The following ZNF518A variants were observed in gnomAD, a reference collection of about 807,000 sequenced individuals.
ZNF518A encodes zinc finger protein 518.
ZNF518A carries 47 observed loss-of-function variants against 102.7 expected under a neutral mutation model. The observed-to-expected ratio is 0.46, with a 90% CI of 0.36 to 0.58. ZNF518A has a LOEUF of 0.58. Among genes scored for constraint, ZNF518A ranks in the 20% least tolerant of loss-of-function variants. ZNF518A has a pLI of 0.00. For synonymous variants in ZNF518A, 652 were observed against 594.6 expected (o/e 1.10, Z -1.40); for missense variants, 1,793 against 1,699.8 (o/e 1.05, Z -0.96).
downstream of ZNF518A, chr10:96,204,490 A>T (rs782449617): frequency 1.7e-5 from 27 of 1,589,992 alleles, no homozygotes; most frequent in Non-Finnish European, 2.2e-5. Flanking sequence ...TAATTCCTGC[A>T]GCAACAAGAG....
intron 1 of ZNF518A, among the ~76,000 whole-genome samples, chr10:96,171,625 C>T (rs2083174289): frequency 1.3e-5 from 2 of 152,034 alleles, no homozygotes; most frequent in South Asian, 2.1e-4. Context: ...CACTAAGAAA[C>T]CATTGAAGTG....
At chr10:96,193,341 C>T (rs1484951376) in intron 1 of ZNF518A, among the ~76,000 whole-genome samples, 1 of 152,150 alleles carries the variant, frequency 6.6e-6, no homozygotes, top group Non-Finnish European at 1.5e-5. Context: ...ATAGCACAAT[C>T]TCTTTGAAGT....
intron 1 of ZNF518A, among the ~76,000 whole-genome samples, chr10:96,184,567 G>A (rs2083259674): frequency 6.6e-6 from 1 of 152,140 alleles, no homozygotes; most frequent in Non-Finnish European, 1.5e-5. Flanking sequence ...ATGAAGCTTA[G>A]TTTGGCTGGA....
chr10:96,202,616 G>A (rs185116587), intron 1 of ZNF518A, among the ~76,000 whole-genome samples: 1 of 152,136 alleles, frequency 6.6e-6, no homozygotes, highest in Admixed American at 6.6e-5. Flanking sequence ...GTAAGAGGAG[G>A]GGGCAGTGAG....
intron 1 of ZNF518A, among the ~76,000 whole-genome samples, chr10:96,197,669 C>G (rs1393030999): frequency 1.3e-5 from 2 of 152,044 alleles, no homozygotes; most frequent in Non-Finnish European, 2.9e-5. Context: ...GGAATCAAAA[C>G]TTTCATTTTA....
At position 96,158,862 on chromosome 10, in the gene ZNF518A, G is replaced by T. The variant is rs782161449; in HGVS notation, c.2540G>T (p.Gly847Val). Residue 847 changes from glycine to valine, a missense_variant, in exon 6 of 6, where the codon GGT becomes GTT. This residue lies in a region of ZNF518A where 1,741 missense variants were observed against 1,622.6 expected (regional missense o/e 1.07). Coordinates refer to ENST00000316045, the MANE Select transcript of ZNF518A (RefSeq NM_001330736.2). ...GIFPVPPGSV[G>V]INVPTNDLNL... ...TTCCCAGTTCCACCTGGCAGTGTGG[G>T]TATTAATGTGCCTACAAATGATTTG... 1 of 1,613,590 alleles carries T rather than the reference G, an allele frequency of 6.2e-7. No individual in the cohort carries two copies. Among genetic ancestry groups the T allele is most frequent in the Admixed American group, 1.7e-5 (1 of 59,968 alleles).
chr10:96,176,888 C>T (rs1408306093), intron 1 of ZNF518A, among the ~76,000 whole-genome samples: 1 of 152,066 alleles, frequency 6.6e-6, no homozygotes, highest in African/African-American at 2.4e-5. Flanking sequence ...CAGAGCGAGA[C>T]TCTGTCTCAA....
chr10:96,185,933 C>T (rs1294514030), intron 1 of ZNF518A, among the ~76,000 whole-genome samples: 4 of 152,212 alleles, frequency 2.6e-5, no homozygotes, highest in African/African-American at 7.2e-5. Flanking sequence ...CAATGGCAGA[C>T]GCCTCTCCCC....
Position 96,152,861 on chromosome 10 carries a change from GC to G in ZNF518A, c.-301-2463del, listed in dbSNP as rs587736085. Among the ~76,000 whole-genome samples, 25 of 152,248 alleles carry G rather than the reference GC, an allele frequency of 1.6e-4. No homozygotes were observed. In the South Asian group the frequency reaches 4.8e-3, roughly 29 times the overall value. On this transcript the variant is annotated intron_variant, in intron 3 of 5. Transcript: ENST00000316045. ...CATTTGTTTATTAGGTTCATTGTTG[GC>G]CAAAACATAATTATGCAGCATGTGA...
chr10:96,158,980 A>G lies in ZNF518A; in HGVS notation c.2658A>G (p.Thr886=), dbSNP rs1591240379. The G allele has an allele frequency of 1.9e-6, 3 of 1,613,596 alleles. No individual in the cohort carries two copies. Among genetic ancestry groups the G allele is most frequent in the East Asian group, 2.2e-5 (1 of 44,880 alleles). Reference sequence around the variant, plus strand: ...TGCCTAGAATTTCAGGTTTTGGCACATTACTTAAGACTCAGTCAGATGCGA... The same window carrying G: ...TGCCTAGAATTTCAGGTTTTGGCACGTTACTTAAGACTCAGTCAGATGCGA... The part of the protein sequence containing the change: ...EKMPRISGFG[T]LLKTQSDAII... The change falls in exon 6 of 6, where the codon ACA becomes ACG. Residue 886 remains threonine, a synonymous_variant. Coordinates refer to ENST00000316045, the MANE Select transcript of ZNF518A (RefSeq NM_001330736.2).
chr10:96,148,006 A>T (rs1228316856), intron 3 of ZNF518A, among the ~76,000 whole-genome samples: 1 of 150,688 alleles, frequency 6.6e-6, no homozygotes, highest in Admixed American at 6.6e-5. Context: ...AGGTTATTTC[A>T]CCTTTACCTT....
intron 1 of ZNF518A, among the ~76,000 whole-genome samples, chr10:96,193,069 C>T (rs2083369044): frequency 6.6e-6 from 1 of 152,138 alleles, no homozygotes. Flanking sequence ...GCCAACATTT[C>T]CAAATGAAAT....
chr10:96,157,758 A>C lies in ZNF518A; in HGVS notation c.1436A>C (p.Asp479Ala). 1 of 1,613,902 alleles carries C rather than the reference A, an allele frequency of 6.2e-7. No individual in the cohort carries two copies. The highest frequency in any genetic ancestry group is 8.5e-7 in the Non-Finnish European group (1 of 1,179,796). The part of the protein sequence containing the change: ...SPGSQSGAAK[D>A]GTANLQPQTL... The stretch of plus-strand genomic sequence containing the variant: ...GGCTCACAGTCAGGTGCTGCAAAGG[A>C]CGGTACTGCTAATTTGCAGCCCCAG... The change falls in exon 6 of 6, where the codon GAC becomes GCC. Residue 479 changes from aspartate to alanine, a missense_variant. Asp to Ala is a moderately radical substitution (Grantham distance 126). Coordinates refer to ENST00000316045, the MANE Select transcript of ZNF518A (RefSeq NM_001330736.2).
In ZNF518A at chr10:96,163,657, A is replaced by G. The variant is rs2083081672; in HGVS notation, c.*2883A>G. Reference sequence around the variant, plus strand: ...GATAAATAAGCTTCGTAGGCCTTCTAGTTTCTGTCCTAACTACTCAATTCT... The same window carrying G: ...GATAAATAAGCTTCGTAGGCCTTCTGGTTTCTGTCCTAACTACTCAATTCT... On this transcript the variant is annotated 3_prime_UTR_variant, in exon 6 of 6. Transcript: ENST00000316045. The G allele has an allele frequency of 6.0e-6, 1 of 167,136 alleles. No individual in the cohort carries two copies. 10.4% of individuals were successfully genotyped at this position (167,136 alleles called of 1,614,324 possible). A position where few individuals can be genotyped will look rare whatever the true frequency, so the allele number is the denominator to read the frequency against.
intron 5 of ZNF518A, 63 bp downstream of exon 5, chr10:96,156,110 A>T: frequency 2.9e-6 from 1 of 350,068 alleles, no homozygotes. Flanking sequence ...TTTGATTAAC[A>T]TTCCTACTTT....
chr10:96,198,704 CT>C (rs1564812162), intron 1 of ZNF518A, among the ~76,000 whole-genome samples: 2 of 152,296 alleles, frequency 1.3e-5, no homozygotes, highest in Admixed American at 1.3e-4. Flanking sequence ...CTCTCTTTCT[CT>C]TTTTATTCCC....
chr10:96,176,890 C>G (rs780000940), intron 1 of ZNF518A, among the ~76,000 whole-genome samples: 1 of 152,084 alleles, frequency 6.6e-6, no homozygotes, highest in Non-Finnish European at 1.5e-5. Context: ...GAGCGAGACT[C>G]TGTCTCAAAA....
intron 1 of ZNF518A, among the ~76,000 whole-genome samples, chr10:96,183,004 G>A (rs191493109): frequency 6.6e-6 from 1 of 152,266 alleles, no homozygotes; most frequent in East Asian, 1.9e-4. Flanking sequence ...TTCAGAGCCT[G>A]TTATTTGTCT....
intron 1 of ZNF518A, among the ~76,000 whole-genome samples, chr10:96,131,188 A>C (rs2081318618): frequency 6.6e-6 from 1 of 152,228 alleles, no homozygotes; most frequent in Non-Finnish European, 1.5e-5. Flanking sequence ...ATAAAACATG[A>C]AGACACCAAA....
Sources: gnomAD v4.1 joint callset for allele counts (sites outside exome capture counted in the v4.1 genomes callset) on GRCh38, gnomAD v4.1.1 for gene constraint, gnomAD v4.1.1 regional missense constraint, MANE v1.5 for transcripts, NCBI Gene and HGNC (gene_info 2026-07-23, HGNC 2026-07-21) for gene names.